The following GRM7 variants were observed in gnomAD, a reference collection of about 807,000 sequenced individuals.
GRM7 encodes the protein glutamate metabotropic receptor 7.
In GRM7, 35 loss-of-function variants were observed where a neutral mutation model predicts 84.5. The ratio of observed to expected loss-of-function variants is 0.41; its 90% confidence interval spans 0.32 to 0.55. The LOEUF (loss-of-function observed/expected upper bound fraction) is 0.55, where lower values mean the gene tolerates loss of function less well. GRM7 is among the 20% of genes least tolerant of loss of function. The pLI, the probability that GRM7 is intolerant of heterozygous loss-of-function variation, is 0.19. For missense variants in GRM7, 1,003 were observed against 1,194.6 expected (o/e 0.84, Z 2.36); for synonymous variants, 487 against 455.1 (o/e 1.07, Z -0.89).
chr3:6,990,882 T>G (rs1007955572), intron 1 of GRM7, among the ~76,000 whole-genome samples: 1 of 152,132 alleles, frequency 6.6e-6, no homozygotes, highest in African/African-American at 2.4e-5. Flanking sequence ...CCTTGGAGCT[T>G]TATGTTCCTG....
chr3:7,359,476 A>C (rs1194859882), intron 4 of GRM7, among the ~76,000 whole-genome samples: 4 of 146,422 alleles, frequency 2.7e-5, no homozygotes, highest in African/African-American at 5.2e-5. Flanking sequence ...CTGGGATTAC[A>C]GGAGTGTGCC....
intron 7 of GRM7, among the ~76,000 whole-genome samples, chr3:7,488,858 C>CTTATTTATTTACTTATTTAT (rs1553605587): frequency 1.9e-4 from 28 of 147,586 alleles, no homozygotes; most frequent in Non-Finnish European, 2.5e-4. Flanking sequence ...CTAGTAAGGT[C>CTTATTTATTTACTTATTTAT]TTATTTATTT....
At chr3:7,607,757 G>C (rs1193453683) in intron 8 of GRM7, 1 of 129,956 alleles carries the variant, frequency 7.7e-6, no homozygotes, top group African/African-American at 3.0e-5. Flanking sequence ...TTTTAGGTTT[G>C]GGGGTATATG....
chr3:6,898,749 A>G (rs1022697359), intron 1 of GRM7, among the ~76,000 whole-genome samples: 5 of 151,914 alleles, frequency 3.3e-5, no homozygotes, highest in African/African-American at 1.2e-4. Context: ...GAAGGCAGGA[A>G]GATCACTTGA....
chr3:7,434,135 A>G (rs781704321), intron 5 of GRM7, among the ~76,000 whole-genome samples: 5 of 152,162 alleles, frequency 3.3e-5, no homozygotes, highest in Non-Finnish European at 5.9e-5. Flanking sequence ...TAACGCTACC[A>G]TTACTGAAAT....
At chr3:7,299,632 G>A (rs1280315607) in intron 3 of GRM7, among the ~76,000 whole-genome samples, 1 of 152,112 alleles carries the variant, frequency 6.6e-6, no homozygotes, top group Non-Finnish European at 1.5e-5. Flanking sequence ...ATATGCTAGA[G>A]GGATGTGCTG....
At chr3:7,733,608 T>A (rs921713567) in intron 9 of GRM7, among the ~76,000 whole-genome samples, 3 of 152,196 alleles carry the variant, frequency 2.0e-5, no homozygotes, top group African/African-American at 7.2e-5. Context: ...CTTAACCTCC[T>A]GGGAATGCAG....
intron 1 of GRM7, among the ~76,000 whole-genome samples, chr3:6,989,687 A>G (rs1272457899): frequency 3.9e-5 from 6 of 152,268 alleles, no homozygotes; most frequent in South Asian, 2.1e-4. Context: ...ATGGAAAAAT[A>G]CAACCTTTAG....
chr3:6,955,052 A>G (rs116702229), intron 1 of GRM7, among the ~76,000 whole-genome samples: 7,817 of 152,316 alleles, frequency 0.051, 286 homozygotes, highest in Non-Finnish European at 0.076. Flanking sequence ...TCAAACCCAT[A>G]AAATCTTAAT....
intron 1 of GRM7, among the ~76,000 whole-genome samples, chr3:7,068,167 A>G (rs376855326): frequency 2.6e-5 from 4 of 152,048 alleles, no homozygotes; most frequent in East Asian, 3.9e-4. Flanking sequence ...TAAAATACTT[A>G]GAAGTGATTA....
At chr3:6,994,487 G>A (rs1022022133) in intron 1 of GRM7, among the ~76,000 whole-genome samples, 2 of 152,182 alleles carry the variant, frequency 1.3e-5, no homozygotes, top group Non-Finnish European at 2.9e-5. Flanking sequence ...GTCCACAGGA[G>A]GGAGACACTA....
chr3:7,204,548 T>C (rs1035232752), intron 2 of GRM7, among the ~76,000 whole-genome samples: 5 of 152,230 alleles, frequency 3.3e-5, no homozygotes, highest in Non-Finnish European at 7.3e-5. Flanking sequence ...GTTAGGCTGG[T>C]TCTCCCTGAA....
At chr3:7,066,168 T>G (rs1375025651) in intron 1 of GRM7, among the ~76,000 whole-genome samples, 2 of 150,448 alleles carry the variant, frequency 1.3e-5, no homozygotes, top group Non-Finnish European at 3.0e-5. Flanking sequence ...AGAAAGGAAA[T>G]AAGATCAGAG....
chr3:6,883,697 AG>A (rs1340830301), intron 1 of GRM7, among the ~76,000 whole-genome samples: 3 of 152,232 alleles, frequency 2.0e-5, no homozygotes, highest in Non-Finnish European at 4.4e-5. Flanking sequence ...AGTATTAGCA[AG>A]AACAGCCTAG....
At chr3:7,203,231 G>A (rs1290546019) in intron 2 of GRM7, among the ~76,000 whole-genome samples, 1 of 152,062 alleles carries the variant, frequency 6.6e-6, no homozygotes, top group Non-Finnish European at 1.5e-5. Context: ...ACCCTTCCTA[G>A]CCTTTGGTAT....
At chr3:7,169,680 C>T (rs1003435339) in intron 2 of GRM7, among the ~76,000 whole-genome samples, 1 of 152,076 alleles carries the variant, frequency 6.6e-6, no homozygotes, top group African/African-American at 2.4e-5. Context: ...CCTTATGACA[C>T]GAACATGGTA....
At chr3:7,484,909 T>G (rs1053453938) in intron 7 of GRM7, among the ~76,000 whole-genome samples, 5 of 152,216 alleles carry the variant, frequency 3.3e-5, no homozygotes, top group Non-Finnish European at 5.9e-5. Context: ...CTGTGGTGTC[T>G]GTCTTTGGTG....
chr3:7,202,662 A>T (rs945523584), intron 2 of GRM7, among the ~76,000 whole-genome samples: 1 of 152,164 alleles, frequency 6.6e-6, no homozygotes, highest in African/African-American at 2.4e-5. Context: ...AATAGCGTTC[A>T]TGCAAAAATG....
chr3:7,633,588 G>A (rs948040227), intron 8 of GRM7, among the ~76,000 whole-genome samples: 1 of 152,092 alleles, frequency 6.6e-6, no homozygotes, highest in East Asian at 1.9e-4. Context: ...ACTGGAATTA[G>A]GGTAGCCCTA....
Sources: gnomAD v4.1 joint callset for allele counts (sites outside exome capture counted in the v4.1 genomes callset) on GRCh38, gnomAD v4.1.1 for gene constraint, MANE v1.5 for transcripts, NCBI Gene and HGNC (gene_info 2026-07-23, HGNC 2026-07-21) for gene names.